The following PAX6 variants were observed in gnomAD, a reference collection of about 807,000 sequenced individuals.
The protein encoded by PAX6 is paired box protein Pax-6.
In PAX6, 7 loss-of-function variants were observed where a neutral mutation model predicts 60.7. The observed-to-expected ratio is 0.12, with a 90% confidence interval of 0.07 to 0.22. The LOEUF (loss-of-function observed/expected upper bound fraction) is 0.22, where lower values mean the gene tolerates loss of function less well. Among genes scored for constraint, PAX6 ranks in the 10% least tolerant of loss-of-function variants. The pLI is 1.00. For synonymous variants in PAX6, 208 were observed against 201.2 expected, an observed-to-expected ratio of 1.03 and a Z score of -0.29; for missense variants, 355 against 555.2, an observed-to-expected ratio of 0.64 and a Z score of 3.62.
intron 8 of PAX6, among the ~76,000 whole-genome samples, chr11:31,795,989 T>C (rs1458647774): frequency 1.3e-5 from 2 of 152,244 alleles, no homozygotes; most frequent in African/African-American, 4.8e-5. Flanking sequence ...TGGCCAGGAA[T>C]ATTATTTATA....
In PAX6 at chr11:31,803,108, T is replaced by TC. The variant is rs5790867; in HGVS notation, c.11-275dup. 0.85 allele frequency: 420,466 copies of TC among 495,446 alleles called. 179,548 individuals carry two copies. Among genetic ancestry groups the TC allele is most frequent in the African/African-American group, 0.94 (48,355 of 51,562 alleles). The allele number at this position is 495,446 out of a possible 1,614,324, so 30.7% of individuals were successfully genotyped here. ...CCATGCCAGACATCGGGCAGCCCAG[T>TC]CCAAGCAACCGTGCCCCTGCCCACT... On this transcript the variant is annotated intron_variant, in intron 4 of 13. Coordinates refer to ENST00000640368, the MANE Select transcript of PAX6 (RefSeq NM_001368894.2).
chr11:31,802,065 A>T (rs1483673045), intron 5 of PAX6, 153 bp from the exon 6 acceptor site: 1 of 708,014 alleles, frequency 1.4e-6, no homozygotes, highest in East Asian at 2.7e-5. Flanking sequence ...TTTTTTAAAA[A>T]AAAAACTTTT....
At chr11:31,806,086 A>C in intron 4 of PAX6, 1 of 426,608 alleles carries the variant, frequency 2.3e-6, no homozygotes, top group South Asian at 5.4e-5. Flanking sequence ...CCGGGGTCAG[A>C]GCCCGGGCAG....
chr11:31,803,277 T>C lies in PAX6; in HGVS notation c.11-443A>G, dbSNP rs1954711682. 2.3e-5 allele frequency: 5 copies of C among 218,526 alleles called. No individual in the cohort carries two copies. In the South Asian group the frequency reaches 3.7e-4, roughly 16 times the overall value. The allele number at this position is 218,526 out of a possible 1,614,324, so 13.5% of individuals were successfully genotyped here. On this transcript the variant is annotated intron_variant, in intron 4 of 13. Coordinates refer to ENST00000640368, the MANE Select transcript of PAX6 (RefSeq NM_001368894.2). ...GCCAGCCTCTGAACCCACAAAGCGCTAAGAACCGGCTCTATAAATCTCCCA... is the reference window on the plus strand; with the variant it reads ...GCCAGCCTCTGAACCCACAAAGCGCCAAGAACCGGCTCTATAAATCTCCCA...
At chr11:31,801,339 A>G in intron 7 of PAX6, 2 of 1,449,698 alleles carry the variant, frequency 1.4e-6, no homozygotes, top group South Asian at 2.9e-5. Context: ...GTTTTGCAGC[A>G]TGCAAATGAA....
At position 31,793,502 on chromosome 11, in the gene PAX6, G is replaced by A. The variant is rs1279156128; in HGVS notation, c.1010C>T (p.Thr337Ile). The change falls in exon 12 of 14, where the codon ACA becomes ATA. Residue 337 changes from threonine to isoleucine, a missense_variant. Physicochemically the swap from Thr to Ile is moderately conservative, Grantham distance 89 (BLOSUM62 -1). Coordinates refer to ENST00000640368, the MANE Select transcript of PAX6 (RefSeq NM_001368894.2). ...AGGCGGCAGAGCGCTGTAGGTGTTT[G>A]TGAGGGCTGTGTCTGTTCGGCCCAA... is the stretch of plus-strand genomic sequence containing the variant. ...SMLGRTDTAL[T>I]NTYSALPPMP... is the part of the protein sequence containing the mutation. 6.2e-7 allele frequency: 1 copy of A among 1,614,246 alleles called. No individual in the cohort carries two copies. Among genetic ancestry groups the A allele is most frequent in the South Asian group, 1.1e-5 (1 of 91,086 alleles).
chr11:31,801,017 A>G (rs1953652852), intron 7 of PAX6, 161 bp from the exon 8 acceptor site: 3 of 823,794 alleles, frequency 3.6e-6, no homozygotes, highest in East Asian at 5.3e-5. Flanking sequence ...CGTGGAAAAA[A>G]TGATAGCTAT....
chr11:31,792,854 A>G (rs1207273753), intron 12 of PAX6: 2 of 218,326 alleles, frequency 9.2e-6, no homozygotes, highest in Non-Finnish European at 1.8e-5. Flanking sequence ...GACACACTAA[A>G]TTTCCAGCAA....
At chr11:31,807,096 C>A (rs1301818409) in intron 2 of PAX6, among the ~76,000 whole-genome samples, 171 bp from the exon 3 acceptor site, 1 of 152,136 alleles carries the variant, frequency 6.6e-6, no homozygotes, top group Admixed American at 6.6e-5. Flanking sequence ...CGGCATCTGC[C>A]ACAGAAGTCT....
chr11:31,817,526 C>T (rs1957435250), intron 1 of PAX6, among the ~76,000 whole-genome samples: 1 of 152,224 alleles, frequency 6.6e-6, no homozygotes, highest in Non-Finnish European at 1.5e-5. Context: ...AGACTCCCGC[C>T]CCCTACTCCC....
chr11:31,806,249 G>T (rs1396178248), intron 4 of PAX6, 153 bp downstream of exon 4: 3 of 738,370 alleles, frequency 4.1e-6, no homozygotes, highest in South Asian at 4.4e-5. Context: ...CCGGGCTGCC[G>T]GGCGCGGAGC....
At position 31,801,892 on chromosome 11, in the gene PAX6, G is replaced by T. The variant is rs777954860; in HGVS notation, c.162C>A (p.Val54=). ...TTACGTTTTGATTGTCCAGCACTTG[G>T]ACTTTTGCATCTGCATGGGTCTATA... ...RILQTHADAK[V]QVLDNQNVSN... Residue 54 remains valine, a synonymous_variant, in exon 6 of 14, where the codon GTC becomes GTA. Transcript: ENST00000640368. 6.2e-7 allele frequency: 1 copy of T among 1,614,050 alleles called. No homozygotes were observed. The highest frequency in any genetic ancestry group is 1.1e-5 in the South Asian group (1 of 91,054).
chr11:31,810,181 C>G (rs1956752592), intron 2 of PAX6: 1 of 152,420 alleles, frequency 6.6e-6, no homozygotes, highest in Non-Finnish European at 1.5e-5. Context: ...CGTGCGGCTG[C>G]CTTGCCGACT....
At position 31,789,685 on chromosome 11, in the gene PAX6, C is replaced by T. The variant is rs1057129176; in HGVS notation, c.*249G>A. ...CAAATGCCCATTTACAAATAATACA[C>T]CAAAATGAATAAAAGTTTGGATACC... On this transcript the variant is annotated 3_prime_UTR_variant, in exon 14 of 14. Coordinates refer to ENST00000640368, the MANE Select transcript of PAX6 (RefSeq NM_001368894.2). 1.6e-5 allele frequency: 11 copies of T among 702,202 alleles called. No individual in the cohort carries two copies. The highest frequency in any genetic ancestry group is 1.4e-4 in the African/African-American group (8 of 57,046). The allele number at this position is 702,202 out of a possible 1,614,324, so 43.5% of individuals were successfully genotyped here. A position where few individuals can be genotyped will look rare whatever the true frequency, so the allele number is the denominator to read the frequency against.
intron 4 of PAX6, chr11:31,803,788 T>G (rs1954893196): frequency 6.6e-6 from 1 of 152,498 alleles, no homozygotes; most frequent in African/African-American, 2.4e-5. Context: ...CACATCATAG[T>G]GTTCCCCATC....
Position 31,790,763 on chromosome 11 carries a change from A to G in PAX6, c.1172T>C (p.Met391Thr), listed in dbSNP as rs1443525166. ...RSYDTYTPPH[M>T]QTHMNSQPMG... Reference sequence around the variant, plus strand: ...TGGCTGACTGTTCATGTGTGTCTGCATATGTGGGGGGGTGTAGGTATCATA... The same window carrying G: ...TGGCTGACTGTTCATGTGTGTCTGCGTATGTGGGGGGGTGTAGGTATCATA... The change falls in exon 13 of 14, where the codon ATG becomes ACG. Residue 391 changes from methionine (M) to threonine (T), a missense_variant. Around this residue, in one of 5 missense-constraint regions of PAX6, gnomAD observed 149 missense variants for 191.9 expected, o/e 0.78. Transcript: ENST00000640368. 1 of 1,614,064 alleles carries G rather than the reference A, an allele frequency of 6.2e-7. No homozygotes were observed. The highest frequency in any genetic ancestry group is 8.5e-7 in the Non-Finnish European group (1 of 1,180,010).
Position 31,793,573 on chromosome 11 carries a change from C to T in PAX6, c.959-20G>A, listed in dbSNP as rs751109356. On this transcript the variant is annotated intron_variant, in intron 11 of 13. Coordinates refer to ENST00000640368, the MANE Select transcript of PAX6 (RefSeq NM_001368894.2). The stretch of plus-strand genomic sequence containing the variant: ...AGGAAACTGAGGGCAAGAGAAATGA[C>T]AGTAGTCAGAGTGAGAGTCAGAGCC... 10 of 1,613,560 alleles carry T rather than the reference C, an allele frequency of 6.2e-6. No homozygotes were observed. In the African/African-American group the frequency reaches 8.0e-5, roughly 13 times the overall value.
intron 12 of PAX6, chr11:31,792,073 A>C (rs926999545): frequency 1.3e-5 from 2 of 152,234 alleles, no homozygotes; most frequent in Non-Finnish European, 2.9e-5. Flanking sequence ...CTTCACAGAA[A>C]CCTGGATGTT....
At chr11:31,815,034 C>CTT (rs1177647012), upstream of PAX6, 1 of 151,540 alleles carries the variant, frequency 6.6e-6, no homozygotes, top group East Asian at 2.0e-4. Context: ...CTCTCTTTCT[C>CTT]TCTCTGTCTT....
Sources: gnomAD v4.1 joint callset for allele counts (sites outside exome capture counted in the v4.1 genomes callset) on GRCh38, gnomAD v4.1.1 for gene constraint, gnomAD v4.1.1 regional missense constraint, MANE v1.5 for transcripts, NCBI Gene and HGNC (gene_info 2026-07-23, HGNC 2026-07-21) for gene names.